The following ADAMTS6 variants were observed in gnomAD, a reference collection of about 807,000 sequenced individuals.
ADAMTS6 encodes A disintegrin and metalloproteinase with thrombospondin motifs 6.
Under a neutral mutation model 144.3 loss-of-function variants are expected in ADAMTS6, and 23 were observed. The ratio of observed to expected loss-of-function variants is 0.16; its 90% CI spans 0.11 to 0.23. ADAMTS6 has a LOEUF of 0.23. Among genes scored for constraint, ADAMTS6 ranks in the 10% least tolerant of loss-of-function variants. The probability of loss-of-function intolerance (pLI) is 1.00; values close to 1 mark genes in which losing one functional copy is unlikely to be tolerated. For synonymous variants in ADAMTS6, 444 were observed against 457.5 expected (o/e 0.97, Z 0.38); for missense variants, 999 against 1,379.6 (o/e 0.72, Z 4.37).
intron 7 of ADAMTS6, among the ~76,000 whole-genome samples, chr5:65,373,674 G>C (rs1383069901): frequency 6.6e-6 from 1 of 152,122 alleles, no homozygotes; most frequent in African/African-American, 2.4e-5. Flanking sequence ...AATTCTACCA[G>C]AGGTACAAGG....
chr5:65,186,394 C>T (rs1312251745), intron 22 of ADAMTS6, among the ~76,000 whole-genome samples: 1 of 152,168 alleles, frequency 6.6e-6, no homozygotes, highest in Non-Finnish European at 1.5e-5. Flanking sequence ...TTTGCCCAAG[C>T]TTATGGGATT....
At chr5:65,370,428 T>C (rs4700679) in intron 7 of ADAMTS6, among the ~76,000 whole-genome samples, 82,166 of 151,668 alleles carry the variant, frequency 0.54, 22,942 homozygotes, top group African/African-American at 0.67. Context: ...GCACCATGCG[T>C]GAGCCGAAGC....
chr5:65,385,439 T>A (rs1389266328), intron 7 of ADAMTS6, among the ~76,000 whole-genome samples: 1 of 152,200 alleles, frequency 6.6e-6, no homozygotes, highest in Non-Finnish European at 1.5e-5. Flanking sequence ...TAACTGGGTC[T>A]TCATGATCTT....
At chr5:65,384,419 A>G (rs760171907) in intron 7 of ADAMTS6, among the ~76,000 whole-genome samples, 1 of 152,196 alleles carries the variant, frequency 6.6e-6, no homozygotes, top group Non-Finnish European at 1.5e-5. Context: ...ATCCTATTTC[A>G]TCACTCAGAA....
chr5:65,379,689 G>GCA (rs977967466), intron 7 of ADAMTS6, among the ~76,000 whole-genome samples: 3 of 151,872 alleles, frequency 2.0e-5, no homozygotes, highest in African/African-American at 7.3e-5. Flanking sequence ...CTAAACACAT[G>GCA]CACACACATG....
At chr5:65,228,302 T>A (rs1326108849) in intron 15 of ADAMTS6, among the ~76,000 whole-genome samples, 2 of 152,188 alleles carry the variant, frequency 1.3e-5, no homozygotes, top group East Asian at 3.8e-4. Context: ...TTATGTAACG[T>A]AATATTTGAT....
intron 4 of ADAMTS6, among the ~76,000 whole-genome samples, chr5:65,458,974 C>T (rs189267244): frequency 6.6e-6 from 1 of 152,112 alleles, no homozygotes; most frequent in East Asian, 1.9e-4. Flanking sequence ...TATCAAAGCG[C>T]ATGTTCTTTT....
chr5:65,334,015 A>AAC (rs1747047589), intron 8 of ADAMTS6, 27 bp downstream of exon 8: 10 of 1,413,602 alleles, frequency 7.1e-6, no homozygotes, highest in Non-Finnish European at 8.3e-6. Flanking sequence ...AAAAAAAAAA[A>AAC]AAAAAAAAAA....
chr5:65,283,111 A>C (rs1037145592), intron 11 of ADAMTS6, among the ~76,000 whole-genome samples: 3 of 152,074 alleles, frequency 2.0e-5, no homozygotes, highest in Admixed American at 2.0e-4. Context: ...AGGATCCTGA[A>C]GGTAAAGAGG....
intron 7 of ADAMTS6, among the ~76,000 whole-genome samples, chr5:65,374,011 A>T (rs1751252069): frequency 6.6e-6 from 1 of 152,270 alleles, no homozygotes; most frequent in Non-Finnish European, 1.5e-5. Flanking sequence ...GAAAAACCAC[A>T]TGATTATCTC....
intron 15 of ADAMTS6, among the ~76,000 whole-genome samples, chr5:65,237,419 G>GAAAAAAAAAT (rs1758758163): frequency 2.2e-5 from 3 of 139,044 alleles, no homozygotes; most frequent in Admixed American, 7.3e-5. Flanking sequence ...AACTCCACAA[G>GAAAAAAAAAT]AAAATAAAAT....
chr5:65,151,777 C>G lies in ADAMTS6; in HGVS notation c.*59G>C. The G allele has an allele frequency of 6.7e-7, 1 of 1,483,542 alleles. No homozygotes were observed. Among genetic ancestry groups the G allele is most frequent in the Non-Finnish European group, 9.4e-7 (1 of 1,066,770 alleles). The allele number at this position is 1,483,542 out of a possible 1,614,324, so 91.9% of individuals were successfully genotyped here. A position where few individuals can be genotyped will look rare whatever the true frequency, so the allele number is the denominator to read the frequency against. On this transcript the variant is annotated 3_prime_UTR_variant, in exon 25 of 25. Coordinates refer to ENST00000381055, the MANE Select transcript of ADAMTS6 (RefSeq NM_197941.4). ...CAATCCTCTTCCTCTGGGTGGCTCT[C>G]TTTGATGGATGCATTTCCATGATGA...
Position 65,242,147 on chromosome 5 carries a change from C to A in ADAMTS6, c.1890G>T (p.Met630Ile). ...REKQCADFDNMPFRGKYYNWK... is the reference protein window; with the variant it reads ...REKQCADFDNIPFRGKYYNWK... ...AGTTATAATACTTTCCTCGGAAAGG[C>A]ATATTGTCAAAGTCTGCACACTGTT... Residue 630 changes from methionine to isoleucine, a missense_variant, in exon 15 of 25, where the codon ATG becomes ATT. Met to Ile is a conservative substitution (Grantham distance 10, BLOSUM62 1). Coordinates refer to ENST00000381055, the MANE Select transcript of ADAMTS6 (RefSeq NM_197941.4). 1 of 1,604,312 alleles carries A rather than the reference C, an allele frequency of 6.2e-7. No individual in the cohort carries two copies. The highest frequency in any genetic ancestry group is 8.5e-7 in the Non-Finnish European group (1 of 1,173,800).
intron 7 of ADAMTS6, among the ~76,000 whole-genome samples, chr5:65,350,781 G>A (rs1202051873): frequency 6.6e-6 from 1 of 152,122 alleles, no homozygotes; most frequent in Admixed American, 6.5e-5. Flanking sequence ...AGCCTCCTGA[G>A]TAGATGGGAT....
chr5:65,240,965 T>C (rs1759124490), intron 15 of ADAMTS6, among the ~76,000 whole-genome samples: 1 of 152,144 alleles, frequency 6.6e-6, no homozygotes. Context: ...AGTAAACAAA[T>C]AATTGAACTG....
intron 9 of ADAMTS6, among the ~76,000 whole-genome samples, chr5:65,328,024 C>T (rs112660595): frequency 5.7e-4 from 87 of 152,102 alleles, no homozygotes; most frequent in African/African-American, 2.1e-3. Context: ...GGGGGCTTTT[C>T]CTTTTATTCA....
chr5:65,253,123 A>T (rs1760325918), intron 14 of ADAMTS6, among the ~76,000 whole-genome samples: 1 of 151,948 alleles, frequency 6.6e-6, no homozygotes, highest in Admixed American at 6.6e-5. Flanking sequence ...CCCGGGCTCA[A>T]GCGATCCACC....
chr5:65,212,446 T>TA (rs1554048208), intron 20 of ADAMTS6, among the ~76,000 whole-genome samples: 14 of 143,416 alleles, frequency 9.8e-5, no homozygotes, highest in Non-Finnish European at 2.0e-4. Flanking sequence ...TTTTTTTTTT[T>TA]ACCCCCTACC....
At chr5:65,410,239 T>C (rs1695983283) in intron 7 of ADAMTS6, among the ~76,000 whole-genome samples, 1 of 152,158 alleles carries the variant, frequency 6.6e-6, no homozygotes, top group African/African-American at 2.4e-5. Context: ...CAAAAGTCAA[T>C]GTATTATGAA....
Sources: allele counts gnomAD v4.1 joint callset (sites outside exome capture counted in the v4.1 genomes callset), GRCh38; gene constraint gnomAD v4.1.1; transcripts MANE v1.5; gene names NCBI Gene and HGNC (gene_info 2026-07-23, HGNC 2026-07-21).